Variants in COL5A2 observed in about 807,000 individuals in gnomAD.
The protein encoded by COL5A2 is collagen alpha-2(V) chain.
In COL5A2, 23 loss-of-function variants were observed where a neutral mutation model predicts 208.2. The observed-to-expected ratio is 0.11, with a 90% CI of 0.08 to 0.16. COL5A2 has a LOEUF of 0.16. Ranked by LOEUF, COL5A2 falls within the 10% of genes least tolerant of loss-of-function variation. The pLI is 1.00. For synonymous variants in COL5A2, 625 were observed against 628.5 expected, an observed-to-expected ratio of 0.99 and a Z score of 0.08; for missense variants, 1,590 against 1,956.4, an observed-to-expected ratio of 0.81 and a Z score of 3.53.
At chr2:189,397,069 C>G in the COL5A2 span, among the ~76,000 whole-genome samples, 1 of 151,570 alleles carries the variant, frequency 6.6e-6, no homozygotes, top group Non-Finnish European at 1.5e-5. Context: ...GCCCCAGATT[C>G]ATAGTTTCAT....
chr2:189,277,624 C>G, the COL5A2 span, among the ~76,000 whole-genome samples: 1,073 of 152,050 alleles, frequency 7.1e-3, 15 homozygotes, highest in African/African-American at 0.024. Context: ...GCCCTGCTAG[C>G]CACAAAGTAT....
At chr2:189,048,484 T>G (rs1336170358) in intron 44 of COL5A2, among the ~76,000 whole-genome samples, 1 of 152,244 alleles carries the variant, frequency 6.6e-6, no homozygotes, top group African/African-American at 2.4e-5. Context: ...TTCATTTATA[T>G]TTCTTATTTT....
At chr2:189,416,088 C>T in the COL5A2 span, among the ~76,000 whole-genome samples, 6 of 152,152 alleles carry the variant, frequency 3.9e-5, no homozygotes, top group South Asian at 2.1e-4. Context: ...TGTGGAGAAA[C>T]AGGAACACTT....
chr2:189,170,261 G>C (rs1688548328), intron 1 of COL5A2, among the ~76,000 whole-genome samples: 1 of 152,134 alleles, frequency 6.6e-6, no homozygotes, highest in Non-Finnish European at 1.5e-5. Flanking sequence ...ACTCATACTT[G>C]AGTGAACGAA....
chr2:189,085,822 T>G (rs963169618), intron 9 of COL5A2, 50 bp from the exon 10 acceptor site: 7 of 1,410,970 alleles, frequency 5.0e-6, no homozygotes, highest in Non-Finnish European at 6.0e-6. Flanking sequence ...AATAGAATAT[T>G]AAACCCTGTA....
At chr2:189,261,916 A>T in the COL5A2 span, among the ~76,000 whole-genome samples, 1 of 152,328 alleles carries the variant, frequency 6.6e-6, no homozygotes, top group East Asian at 1.9e-4. Context: ...GAGGTAGGAA[A>T]GTTTAAATTT....
the COL5A2 span, among the ~76,000 whole-genome samples, chr2:189,400,012 A>C: frequency 6.6e-6 from 1 of 152,224 alleles, no homozygotes; most frequent in African/African-American, 2.4e-5. Context: ...TCCATAGTTA[A>C]AAAGTCAACT....
At chr2:189,086,631 C>A in intron 9 of COL5A2, 95 bp downstream of exon 9, 2 of 976,646 alleles carry the variant, frequency 2.0e-6, no homozygotes, top group South Asian at 2.9e-5. Flanking sequence ...AATTTTAAAA[C>A]CAGCCAAAAG....
Position 189,058,334 on chromosome 2 carries a change from T to C in COL5A2, c.2229+95A>G, listed in dbSNP as rs542608831. ...GAAAATGATATAATCAAATTATCTT[T>C]CAAAAACAAGACAAATGCATTCTCA... is the stretch of plus-strand genomic sequence containing the variant. On this transcript the variant is annotated intron_variant, in intron 33 of 53. Transcript: ENST00000374866. The C allele has an allele frequency of 4.2e-5, 42 of 1,006,826 alleles. No homozygotes were observed. The East Asian group carries it at 9.0e-4, about 22-fold the overall frequency. The allele number at this position is 1,006,826 out of a possible 1,614,324, so 62.4% of individuals were successfully genotyped here.
At chr2:189,244,678 A>T in the COL5A2 span, among the ~76,000 whole-genome samples, 1 of 152,090 alleles carries the variant, frequency 6.6e-6, no homozygotes, top group Non-Finnish European at 1.5e-5. Flanking sequence ...ACTTTTCCAC[A>T]TTTCCCTGTC....
chr2:189,338,520 C>A, the COL5A2 span, among the ~76,000 whole-genome samples: 1 of 152,082 alleles, frequency 6.6e-6, no homozygotes, highest in Non-Finnish European at 1.5e-5. Flanking sequence ...CCAGCTCCCC[C>A]ATTCTTCAGG....
chr2:189,379,152 G>A, the COL5A2 span, among the ~76,000 whole-genome samples: 1 of 151,996 alleles, frequency 6.6e-6, no homozygotes, highest in Admixed American at 6.6e-5. Flanking sequence ...TACAATTTCA[G>A]GAAGCTCATT....
At chr2:189,300,632 C>T in the COL5A2 span, among the ~76,000 whole-genome samples, 3 of 152,156 alleles carry the variant, frequency 2.0e-5, no homozygotes, top group East Asian at 3.9e-4. Context: ...CAGCCAGAGG[C>T]GGGACAGCCC....
At chr2:189,363,618 A>T in the COL5A2 span, among the ~76,000 whole-genome samples, 1 of 152,154 alleles carries the variant, frequency 6.6e-6, no homozygotes, top group African/African-American at 2.4e-5. Flanking sequence ...AAATTCAATG[A>T]ATTCACCCAC....
chr2:189,055,172 C>A (rs897455451), intron 35 of COL5A2, among the ~76,000 whole-genome samples: 1 of 152,126 alleles, frequency 6.6e-6, no homozygotes, highest in East Asian at 1.9e-4. Flanking sequence ...CGTGAGCCAT[C>A]GCGCCCAGCC....
chr2:189,293,351 G>A, the COL5A2 span, among the ~76,000 whole-genome samples: 3 of 152,096 alleles, frequency 2.0e-5, no homozygotes, highest in Non-Finnish European at 4.4e-5. Context: ...ATTCTCAACC[G>A]GTGACTAATG....
the COL5A2 span, among the ~76,000 whole-genome samples, chr2:189,411,769 C>G: frequency 6.6e-6 from 1 of 151,586 alleles, no homozygotes; most frequent in African/African-American, 2.4e-5. Flanking sequence ...TTAGGGTGAA[C>G]AGCTTTCTAA....
the COL5A2 span, among the ~76,000 whole-genome samples, chr2:189,368,118 A>G: frequency 1.3e-5 from 2 of 152,230 alleles, no homozygotes; most frequent in Non-Finnish European, 2.9e-5. Context: ...CAATCCTGTG[A>G]ATTAGCTAGC....
At chr2:189,118,779 T>A (rs1687445149) in intron 1 of COL5A2, among the ~76,000 whole-genome samples, 1 of 152,172 alleles carries the variant, frequency 6.6e-6, no homozygotes, top group Non-Finnish European at 1.5e-5. Flanking sequence ...GTGACTTGAA[T>A]TAGTATTCAG....
Sources: allele counts gnomAD v4.1 joint callset (sites outside exome capture counted in the v4.1 genomes callset), GRCh38; gene constraint gnomAD v4.1.1; transcripts MANE v1.5; gene names NCBI Gene and HGNC (gene_info 2026-07-23, HGNC 2026-07-21).